The following SEMA3E variants were observed in gnomAD, a reference collection of about 807,000 sequenced individuals.
The protein encoded by SEMA3E is semaphorin 3E.
A neutral mutation model predicts 93.6 loss-of-function variants in SEMA3E; 49 were observed. The ratio of observed to expected loss-of-function variants is 0.52; its 90% CI spans 0.42 to 0.66. SEMA3E has a LOEUF of 0.66. SEMA3E is among the 30% of genes least tolerant of loss of function. The pLI is 0.00. For synonymous variants in SEMA3E, 363 were observed against 330.7 expected, an observed-to-expected ratio of 1.10 and a Z score of -1.06; for missense variants, 906 against 964.8, an observed-to-expected ratio of 0.94 and a Z score of 0.81.
intron 2 of SEMA3E, among the ~76,000 whole-genome samples, chr7:83,473,818 G>T (rs1439364952): frequency 6.6e-6 from 1 of 152,222 alleles, no homozygotes; most frequent in East Asian, 1.9e-4. Flanking sequence ...TTTAGGACAG[G>T]TGAGGTGGCT....
chr7:83,570,518 A>G (rs1426163943), intron 1 of SEMA3E, among the ~76,000 whole-genome samples: 1 of 114,770 alleles, frequency 8.7e-6, no homozygotes, highest in Non-Finnish European at 1.6e-5. Flanking sequence ...CCGCCACTGC[A>G]CTCCAGCCTG....
intron 4 of SEMA3E, among the ~76,000 whole-genome samples, chr7:83,443,637 G>C (rs1332416783): frequency 6.6e-6 from 1 of 152,042 alleles, no homozygotes; most frequent in Non-Finnish European, 1.5e-5. Context: ...CAGTCAAAGA[G>C]TAATTAGTCC....
chr7:83,490,167 T>C lies in SEMA3E; in HGVS notation c.223A>G (p.Arg75Gly), dbSNP rs1475517940. Reference sequence around the variant, plus strand: ...AAGCTGAGGGAATATACAAGGTCCCTGCCTCCCACGAAGAGCCTCTCTTGA... The same window carrying C: ...AAGCTGAGGGAATATACAAGGTCCCCGCCTCCCACGAAGAGCCTCTCTTGA... ...EYQERLFVGG[R>G]DLVYSLSLER... is the part of the protein sequence containing the mutation. Residue 75 changes from arginine (R) to glycine (G), a missense_variant, in exon 2 of 17, where the codon AGG (arginine) becomes GGG (glycine). Transcript: ENST00000643230. 1.9e-6 allele frequency: 3 copies of C among 1,613,058 alleles called. No individual in the cohort carries two copies. Among genetic ancestry groups the C allele is most frequent in the Non-Finnish European group, 1.7e-6 (2 of 1,179,454 alleles).
chr7:83,538,404 A>G (rs962485999), intron 1 of SEMA3E, among the ~76,000 whole-genome samples: 2 of 152,020 alleles, frequency 1.3e-5, no homozygotes, highest in East Asian at 3.9e-4. Flanking sequence ...GTATCTTATT[A>G]TAGTTTTGAT....
intron 1 of SEMA3E, among the ~76,000 whole-genome samples, chr7:83,604,594 C>CACACACACATATATATATGT (rs1223625541): frequency 6.7e-6 from 1 of 150,090 alleles, no homozygotes; most frequent in Non-Finnish European, 1.5e-5. Flanking sequence ...TATATATATA[C>CACACACACATATATATATGT]ACACACACAT....
Position 83,422,733 on chromosome 7 carries a change from T to G in SEMA3E, c.457-4250A>C, listed in dbSNP as rs76593965. Among the ~76,000 whole-genome samples the G allele has an allele frequency of 9.3e-4, 141 of 152,322 alleles. 4 individuals are homozygous for G. In the East Asian group the frequency reaches 0.027, roughly 29 times the overall value. On this transcript the variant is annotated intron_variant, in intron 4 of 16. Transcript: ENST00000643230. ...AGGTTGTTTTATCTAATGGGTATAA[T>G]TAGACACCTTATATAGTAAAATTGA...
chr7:83,410,967 T>C (rs1003612750), intron 5 of SEMA3E, among the ~76,000 whole-genome samples: 8 of 152,088 alleles, frequency 5.3e-5, no homozygotes, highest in Non-Finnish European at 1.0e-4. Flanking sequence ...TTCTTTAAAA[T>C]CATGAGTTTT....
intron 1 of SEMA3E, among the ~76,000 whole-genome samples, chr7:83,549,018 GGCTACCATCTGGGAATTT>G (rs1463715791): frequency 6.6e-6 from 1 of 152,014 alleles, no homozygotes; most frequent in Non-Finnish European, 1.5e-5. Flanking sequence ...CCAAAGGCCT[GGCTACCATCTGGGAATTT>G]GCAAGTATGC....
intron 1 of SEMA3E, among the ~76,000 whole-genome samples, chr7:83,614,918 A>G (rs1402960897): frequency 6.6e-6 from 1 of 152,154 alleles, no homozygotes; most frequent in Non-Finnish European, 1.5e-5. Context: ...AAATAGTTTG[A>G]ATGACTAGTT....
intron 16 of SEMA3E, among the ~76,000 whole-genome samples, chr7:83,384,561 C>T (rs1400484625): frequency 6.6e-6 from 1 of 152,070 alleles, no homozygotes; most frequent in African/African-American, 2.4e-5. Context: ...GCCTACATCA[C>T]CATGATCTGC....
intron 1 of SEMA3E, among the ~76,000 whole-genome samples, chr7:83,501,651 T>C (rs1259885056): frequency 4.6e-5 from 7 of 152,254 alleles, no homozygotes; most frequent in African/African-American, 1.7e-4. Context: ...CAGGGTATTA[T>C]TGCCAGGCTG....
chr7:83,405,357 A>G, intron 9 of SEMA3E, 93 bp downstream of exon 9: 1 of 892,336 alleles, frequency 1.1e-6, no homozygotes, highest in Non-Finnish European at 1.9e-6. Flanking sequence ...CAACTGGGTC[A>G]ATAGTCTTTC....
chr7:83,389,491 T>C lies in SEMA3E; in HGVS notation c.1668-2441A>G, dbSNP rs1261343796. Among the ~76,000 whole-genome samples the C allele has an allele frequency of 2.4e-5, 3 of 124,772 alleles. 1 individual carries two copies. The highest frequency in any genetic ancestry group is 8.4e-5 in the Admixed American group (1 of 11,970). The allele number at this position is 124,772 out of a possible 152,430, so 81.9% of individuals were successfully genotyped here. A position where few individuals can be genotyped will look rare whatever the true frequency, so the allele number is the denominator to read the frequency against. ...ATATCGCTGAAAGTTATTGGAAACA[T>C]ACATTTAAAAAGAAAGACATCACAT... On this transcript the variant is annotated intron_variant, in intron 14 of 16. Transcript: ENST00000643230.
At chr7:83,412,518 G>A (rs985980376) in intron 5 of SEMA3E, among the ~76,000 whole-genome samples, 9 of 151,992 alleles carry the variant, frequency 5.9e-5, no homozygotes, top group South Asian at 2.1e-4. Context: ...AGCCCAGGCC[G>A]GAGGATCGCT....
chr7:83,491,096 T>C (rs1341343351), intron 1 of SEMA3E, among the ~76,000 whole-genome samples: 2 of 152,018 alleles, frequency 1.3e-5, no homozygotes, highest in Non-Finnish European at 2.9e-5. Flanking sequence ...AGTTAGAAGA[T>C]AACTTTTTTT....
chr7:83,368,098 C>T, intron 16 of SEMA3E, 60 bp from the exon 17 acceptor site: 1 of 1,427,026 alleles, frequency 7.0e-7, no homozygotes, highest in South Asian at 1.1e-5. Flanking sequence ...AACAATCCAT[C>T]ACCCTTTCCA....
At chr7:83,588,850 T>C (rs902793100) in intron 1 of SEMA3E, among the ~76,000 whole-genome samples, 1 of 152,106 alleles carries the variant, frequency 6.6e-6, no homozygotes, top group East Asian at 1.9e-4. Context: ...CCCAAATCCC[T>C]AGGGCTACTT....
chr7:83,398,534 G>A (rs1250302754), intron 11 of SEMA3E, among the ~76,000 whole-genome samples: 2 of 152,180 alleles, frequency 1.3e-5, no homozygotes, highest in Admixed American at 1.3e-4. Flanking sequence ...AACCCACAGT[G>A]CTGAGCATAT....
chr7:83,585,604 C>T (rs920047043), intron 1 of SEMA3E, among the ~76,000 whole-genome samples: 1 of 152,150 alleles, frequency 6.6e-6, no homozygotes, highest in Non-Finnish European at 1.5e-5. Flanking sequence ...AAATCAGCTC[C>T]TTCTGAATTC....
Sources: gnomAD v4.1 joint callset for allele counts (sites outside exome capture counted in the v4.1 genomes callset) on GRCh38, gnomAD v4.1.1 for gene constraint, MANE v1.5 for transcripts, NCBI Gene and HGNC (gene_info 2026-07-23, HGNC 2026-07-21) for gene names.